The following ASIC2 variants were observed in gnomAD, a reference collection of about 807,000 sequenced individuals.
The protein encoded by ASIC2 is acid sensing ion channel subunit 2.
A neutral mutation model predicts 57.3 loss-of-function variants in ASIC2; 25 were observed. That is an observed-to-expected ratio of 0.44 (90% CI 0.32 to 0.61). The LOEUF is 0.61. ASIC2 is among the 20% of genes least tolerant of loss of function. The probability of loss-of-function intolerance (pLI) is 0.06; values close to 1 mark genes in which losing one functional copy is unlikely to be tolerated. For synonymous variants in ASIC2, 319 were observed against 307.5 expected (o/e 1.04, Z -0.39); for missense variants, 641 against 738.1 (o/e 0.87, Z 1.52).
intron 1 of ASIC2, among the ~76,000 whole-genome samples, chr17:33,309,704 C>T (rs1305542958): frequency 6.6e-6 from 1 of 151,880 alleles, no homozygotes; most frequent in Non-Finnish European, 1.5e-5. Flanking sequence ...CGTGTCCATC[C>T]CTTAAAACCC....
chr17:33,552,805 A>T (rs928809411), intron 1 of ASIC2, among the ~76,000 whole-genome samples: 2 of 152,252 alleles, frequency 1.3e-5, no homozygotes, highest in African/African-American at 2.4e-5. Context: ...TGGAAGCCAG[A>T]TGGTCAGTGG....
At chr17:33,248,721 CTA>C (rs993583865) in intron 1 of ASIC2, among the ~76,000 whole-genome samples, 2 of 152,188 alleles carry the variant, frequency 1.3e-5, no homozygotes, top group Non-Finnish European at 2.9e-5. Flanking sequence ...TCATCAATCT[CTA>C]TCTCCGTGGT....
chr17:33,619,275 C>T (rs946335906), intron 1 of ASIC2, among the ~76,000 whole-genome samples: 2 of 152,000 alleles, frequency 1.3e-5, no homozygotes, highest in African/African-American at 4.8e-5. Context: ...TTTATTTGTA[C>T]TCAATAATAA....
chr17:33,961,962 A>G (rs1332998722), intron 1 of ASIC2, among the ~76,000 whole-genome samples: 1 of 152,136 alleles, frequency 6.6e-6, no homozygotes, highest in Admixed American at 6.5e-5. Context: ...ATCAGCGTAA[A>G]ACTCACATCA....
chr17:33,480,343 G>A (rs1913362439), intron 1 of ASIC2, among the ~76,000 whole-genome samples: 1 of 152,152 alleles, frequency 6.6e-6, no homozygotes, highest in African/African-American at 2.4e-5. Context: ...TGGAGGGGTG[G>A]GGCTCAGTCT....
chr17:34,111,381 A>C (rs907864638), intron 1 of ASIC2, among the ~76,000 whole-genome samples: 2 of 151,022 alleles, frequency 1.3e-5, no homozygotes, highest in African/African-American at 4.9e-5. Context: ...GGTCTGTGGC[A>C]AAACAGTACT....
intron 3 of ASIC2, among the ~76,000 whole-genome samples, chr17:33,049,831 T>C (rs1187339047): frequency 6.6e-6 from 1 of 152,192 alleles, no homozygotes; most frequent in Non-Finnish European, 1.5e-5. Flanking sequence ...TGTGCTCCTC[T>C]TCCCCAGGAC....
intron 1 of ASIC2, among the ~76,000 whole-genome samples, chr17:34,013,954 A>C (rs1317584741): frequency 6.6e-6 from 1 of 152,162 alleles, no homozygotes; most frequent in Non-Finnish European, 1.5e-5. Context: ...GCAGGTTCAA[A>C]GCAGGGAGTC....
intron 1 of ASIC2, among the ~76,000 whole-genome samples, chr17:34,008,536 G>A (rs184923919): frequency 3.3e-5 from 5 of 152,312 alleles, no homozygotes; most frequent in Admixed American, 2.6e-4. Flanking sequence ...GCAGAAAGGA[G>A]AGAAAATCAG....
At chr17:33,296,189 T>G (rs2142188841), upstream of ASIC2, among the ~76,000 whole-genome samples, 1 of 152,350 alleles carries the variant, frequency 6.6e-6, no homozygotes, top group South Asian at 2.1e-4. Flanking sequence ...ATACATGCTC[T>G]AAGTGTTTAA....
intron 1 of ASIC2, among the ~76,000 whole-genome samples, chr17:33,550,153 G>C (rs1915705746): frequency 1.3e-5 from 2 of 151,962 alleles, no homozygotes; most frequent in Non-Finnish European, 2.9e-5. Flanking sequence ...ACAGTCATTT[G>C]GGGCCAGAGG....
intron 1 of ASIC2, among the ~76,000 whole-genome samples, chr17:33,176,952 C>T (rs1281298984): frequency 6.6e-6 from 1 of 152,198 alleles, no homozygotes; most frequent in Non-Finnish European, 1.5e-5. Context: ...GCAGCAAGAC[C>T]TGCACCCGTG....
At chr17:33,893,492 T>A (rs1597919616) in intron 1 of ASIC2, among the ~76,000 whole-genome samples, 1 of 152,192 alleles carries the variant, frequency 6.6e-6, no homozygotes, top group African/African-American at 2.4e-5. Context: ...CAAATTCCAA[T>A]TTATAGGAGG....
chr17:33,450,749 G>T (rs1160846369), intron 1 of ASIC2, among the ~76,000 whole-genome samples: 1 of 152,208 alleles, frequency 6.6e-6, no homozygotes, highest in African/African-American at 2.4e-5. Context: ...TGTGGCAGGG[G>T]TGGGGAGTAA....
At chr17:33,425,851 C>G (rs1033353594) in intron 1 of ASIC2, among the ~76,000 whole-genome samples, 12 of 152,042 alleles carry the variant, frequency 7.9e-5, no homozygotes, top group African/African-American at 2.9e-4. Context: ...TGGGTGACTC[C>G]CAGGATGTGC....
At chr17:33,078,201 A>G (rs922143472) in intron 3 of ASIC2, among the ~76,000 whole-genome samples, 1 of 151,944 alleles carries the variant, frequency 6.6e-6, no homozygotes, top group African/African-American at 2.4e-5. Flanking sequence ...AGCCACCGAG[A>G]GATAAGCAGC....
intron 1 of ASIC2, among the ~76,000 whole-genome samples, chr17:33,132,750 T>C (rs1347049343): frequency 6.6e-6 from 1 of 152,204 alleles, no homozygotes; most frequent in Non-Finnish European, 1.5e-5. Context: ...GGCTGTCTCA[T>C]GTCTGGCCCT....
At chr17:34,130,161 GA>G (rs1177031475) in intron 1 of ASIC2, among the ~76,000 whole-genome samples, 1 of 152,214 alleles carries the variant, frequency 6.6e-6, no homozygotes, top group African/African-American at 2.4e-5. Context: ...AAGAAAGACA[GA>G]ATGCTCTGAC....
At chr17:34,044,127 C>T (rs945196938) in intron 1 of ASIC2, among the ~76,000 whole-genome samples, 3 of 47,892 alleles carry the variant, frequency 6.3e-5, no homozygotes, top group African/African-American at 6.5e-4. Flanking sequence ...CACACACACG[C>T]ACGCACACAC....
Sources: gnomAD v4.1 joint callset for allele counts (sites outside exome capture counted in the v4.1 genomes callset) on GRCh38, gnomAD v4.1.1 for gene constraint, MANE v1.5 for transcripts, NCBI Gene and HGNC (gene_info 2026-07-23, HGNC 2026-07-21) for gene names.